Variants in TTN observed in about 807,000 individuals in gnomAD.
The protein encoded by TTN is titin.
In TTN, 1,525 loss-of-function variants were observed where a neutral mutation model predicts 3,223.0. The ratio of observed to expected loss-of-function variants is 0.47; its 90% CI spans 0.45 to 0.49. The LOEUF (loss-of-function observed/expected upper bound fraction) is 0.49. TTN is among the 20% of genes least tolerant of loss of function. The probability of loss-of-function intolerance (pLI) is 0.00; values close to 1 mark genes in which losing one functional copy is unlikely to be tolerated. For missense variants in TTN, 40,786 were observed against 43,424.0 expected, an observed-to-expected ratio of 0.94 and a Z score of 5.40; for synonymous variants, 14,094 against 15,161.0, an observed-to-expected ratio of 0.93 and a Z score of 5.17.
rs989916103 is a variant in TTN, at chr2:178,637,278, A to G, written c.40927+91T>C. On this transcript the variant is annotated intron_variant, in intron 224 of 362. Coordinates refer to ENST00000589042, the MANE Select transcript of TTN (RefSeq NM_001267550.2). ...TCAATTAGAAAAAATAAAAATTGTT[A>G]TGAATTTTGAAATTTTTTTCCCCTT... is the stretch of plus-strand genomic sequence containing the variant. 8.8e-6 allele frequency: 7 copies of G among 799,146 alleles called. No individual in the cohort carries two copies. In the African/African-American group the frequency reaches 1.1e-4, roughly 13 times the overall value. The allele number at this position is 799,146 out of a possible 1,614,324, so 49.5% of individuals were successfully genotyped here.
rs148791107 is a variant in TTN, at chr2:178,747,278, G to C, written c.11312-5357C>G. 588 of 1,613,128 alleles carry C rather than the reference G, an allele frequency of 3.6e-4. No individual in the cohort carries two copies. The highest frequency in any genetic ancestry group is 4.7e-4 in the Non-Finnish European group (559 of 1,179,592). ...TTCTCCTACCTCACCTTCGGAAGGT[G>C]TTGAATATCTTTCAGCAACTTCCCC... On this transcript the variant is annotated intron_variant, in intron 47 of 362. Transcript: ENST00000589042.
Position 178,794,394 on chromosome 2 carries a change from C to A in TTN, c.1398+5G>T. The stretch of plus-strand genomic sequence containing the variant: ...GCGGGTGCCCCATGGCAGCCTCGCA[C>A]GTACCTGTTCTTGAGCAGGTTGGAT... On this transcript the variant is annotated splice_donor_5th_base_variant and intron_variant, in intron 8 of 362. Coordinates refer to ENST00000589042, the MANE Select transcript of TTN (RefSeq NM_001267550.2). 6.2e-7 allele frequency: 1 copy of A among 1,614,132 alleles called. No individual in the cohort carries two copies. Among genetic ancestry groups the A allele is most frequent in the Non-Finnish European group, 8.5e-7 (1 of 1,180,010 alleles).
In TTN at chr2:178,675,903, A is replaced by G. The variant is rs774685567; in HGVS notation, c.34453+18T>C. 7 of 1,601,766 alleles carry G rather than the reference A, an allele frequency of 4.4e-6. No homozygotes were observed. The South Asian group carries it at 7.9e-5, about 18-fold the overall frequency. ...GGAAGGAAATGGCATAGTCTAATTT[A>G]CTTCGGAATAGCAATACCTTTGGCA... On this transcript the variant is annotated intron_variant, in intron 148 of 362. Transcript: ENST00000589042.
Position 178,579,660 on chromosome 2 carries a change from A to T in TTN, c.67537T>A (p.Leu22513Met). ...SLSLQYSAKD[L>M]TEGKEYTFRV... ...AAGGTATATTCCTTCCCTTCAGTCA[A>T]ATCTTTTGCAGAGTACTGTAGGCTT... Residue 22513 changes from leucine (L) to methionine (M), a missense_variant, in exon 319 of 363, where the codon TTG becomes ATG. Physicochemically the swap from Leu to Met is conservative, Grantham distance 15. Coordinates refer to ENST00000589042, the MANE Select transcript of TTN (RefSeq NM_001267550.2). The T allele has an allele frequency of 6.2e-7, 1 of 1,613,334 alleles. No homozygotes were observed. The highest frequency in any genetic ancestry group is 8.5e-7 in the Non-Finnish European group (1 of 1,179,518).
rs761241302 is a variant in TTN, at chr2:178,580,365, G to T, written c.67014C>A (p.Asn22338Lys). The T allele has an allele frequency of 8.2e-5, 132 of 1,613,062 alleles. No homozygotes were observed. The highest frequency in any genetic ancestry group is 1.1e-4 in the Non-Finnish European group (130 of 1,179,424). Reference sequence around the variant, plus strand: ...TGGTATATTCCTTTTTACCACAGCTGTTCTCCAGGGTTAAGATATATTTTC... The same window carrying T: ...TGGTATATTCCTTTTTACCACAGCTTTTCTCCAGGGTTAAGATATATTTTC... ...DAGKYILTLE[N>K]SCGKKEYTIV... is the part of the protein sequence containing the mutation. The change falls in exon 317 of 363, where the codon AAC (asparagine) becomes AAA (lysine). Residue 22338 changes from asparagine to lysine, a missense_variant. By Grantham distance (94) the Asn-to-Lys change is moderately conservative. Transcript: ENST00000589042.
chr2:178,533,539 C>T lies in TTN; in HGVS notation c.103076G>A (p.Ser34359Asn). The change falls in exon 358 of 363, where the codon AGT becomes AAT. Residue 34359 changes from serine (S) to asparagine (N), a missense_variant. Coordinates refer to ENST00000589042, the MANE Select transcript of TTN (RefSeq NM_001267550.2). Reference protein sequence around the residue: ...TVTLHPPPTDSTLRPMFKRLL... With the variant: ...TVTLHPPPTDNTLRPMFKRLL... ...CCTTTTGAACATGGGTCTTAAGGTA[C>T]TATCTGTTGGAGGTGGGTGTAGGGT... is the stretch of plus-strand genomic sequence containing the variant. 1 of 1,613,918 alleles carries T rather than the reference C, an allele frequency of 6.2e-7. No individual in the cohort carries two copies.
intron 47 of TTN, chr2:178,749,335 T>C (rs1261054857): frequency 2.2e-5 from 36 of 1,612,700 alleles, no homozygotes; most frequent in Non-Finnish European, 2.8e-5. Context: ...CCTGACATTG[T>C]ATGAATTCAG....
chr2:178,763,171 T>C (rs1442953837), intron 43 of TTN, among the ~76,000 whole-genome samples: 1 of 152,168 alleles, frequency 6.6e-6, no homozygotes, highest in African/African-American at 2.4e-5. Flanking sequence ...TCTCAAATAA[T>C]TGTGATTATA....
In TTN at chr2:178,806,280, A is replaced by G. The variant is rs938787587; in HGVS notation, c.-14+932T>C. On this transcript the variant is annotated intron_variant, in intron 1 of 362. Coordinates refer to ENST00000589042, the MANE Select transcript of TTN (RefSeq NM_001267550.2). Reference sequence around the variant, plus strand: ...TCTGTGTCTAACTTTGTCTGTTTATAAGTTAGTATATCTAAAAATAGCTGT... The same window carrying G: ...TCTGTGTCTAACTTTGTCTGTTTATGAGTTAGTATATCTAAAAATAGCTGT... Among the ~76,000 whole-genome samples the G allele has an allele frequency of 2.0e-5, 3 of 152,204 alleles. No individual in the cohort carries two copies. The East Asian group carries it at 5.8e-4, about 29-fold the overall frequency.
rs757428242 is a variant in TTN at position 178,571,180 on chromosome 2, A to G, written c.74952T>C (p.Ser24984=). The change falls in exon 326 of 363, where the codon TCT becomes TCC. Residue 24984 remains serine, a synonymous_variant. Transcript: ENST00000589042. ...TGCCAATGCCCACGATGTTCTCTGC[A>G]GAGACTCTAAATTCATATTCAACAC... ...EEGVEYEFRV[S]AENIVGIGKP... 2.9e-5 allele frequency: 46 copies of G among 1,613,508 alleles called. No homozygotes were observed. In the South Asian group the frequency reaches 4.8e-4, roughly 17 times the overall value.
In TTN at chr2:178,715,042, C is replaced by T. The variant is rs183499397; in HGVS notation, c.26144G>A (p.Cys8715Tyr). ...GCTTCCCACATCATTTGTGGCTTTA[C>T]ACTGATATTCCCCAATGTCTGCAGC... is the stretch of plus-strand genomic sequence containing the variant. ...VDAADIGEYQ[C>Y]KATNDVGSDT... Residue 8715 changes from cysteine to tyrosine, a missense_variant, in exon 90 of 363, where the codon TGT (cysteine) becomes TAT (tyrosine). Transcript: ENST00000589042. 1.9e-5 allele frequency: 31 copies of T among 1,613,532 alleles called. No individual in the cohort carries two copies. The East Asian group carries it at 5.1e-4, about 27-fold the overall frequency.
At chr2:178,600,720 T>C (rs1165139403) in intron 288 of TTN, 134 bp downstream of exon 288, 1 of 993,478 alleles carries the variant, frequency 1.0e-6, no homozygotes, top group East Asian at 2.5e-5. Context: ...AATTAAGTAA[T>C]GTGCCCATGT....
chr2:178,728,995 G>T lies in TTN; in HGVS notation c.19043C>A (p.Thr6348Lys). 1 of 1,613,080 alleles carries T rather than the reference G, an allele frequency of 6.2e-7. No homozygotes were observed. Among genetic ancestry groups the T allele is most frequent in the Admixed American group, 1.7e-5 (1 of 59,920 alleles). Reference sequence around the variant, plus strand: ...ATTATCCACACTTCTGATTTGAAGTGTGGCCACACTGTCCACAAATGAAAT... The same window carrying T: ...ATTATCCACACTTCTGATTTGAAGTTTGGCCACACTGTCCACAAATGAAAT... The part of the protein sequence containing the change: ...VYISFVDSVA[T>K]LQIRSVDNGH... The change falls in exon 65 of 363, where the codon ACA becomes AAA. Residue 6348 changes from threonine (T) to lysine (K), a missense_variant. Transcript: ENST00000589042.
chr2:178,587,360 T>C lies in TTN; in HGVS notation c.63851A>G (p.His21284Arg), dbSNP rs769740117. 9 of 1,548,010 alleles carry C rather than the reference T, an allele frequency of 5.8e-6. No individual in the cohort carries two copies. Among genetic ancestry groups the C allele is most frequent in the Non-Finnish European group, 7.0e-6 (8 of 1,139,768 alleles). Residue 21284 changes from histidine (H) to arginine (R), a missense_variant, in exon 307 of 363, where the codon CAT becomes CGT. Physicochemically the swap from His to Arg is conservative, Grantham distance 29. Transcript: ENST00000589042. ...KVSDVTKTSCHVSWAPPENDG... is the reference protein window; with the variant it reads ...KVSDVTKTSCRVSWAPPENDG... ...GTTTTCAGGAGGGGCCCAGGACACA[T>C]GGCATGATGTTTTAGTGACATCTGA...
intron 199 of TTN, 27 bp downstream of exon 199, chr2:178,653,014 C>T (rs2063364985): frequency 1.2e-6 from 2 of 1,611,310 alleles, no homozygotes; most frequent in African/African-American, 1.3e-5. Flanking sequence ...GTTCAGTCTT[C>T]TGAAGCCTAA....
Position 178,731,373 on chromosome 2 carries a change from C to A in TTN, c.17393G>T (p.Gly5798Val), listed in dbSNP as rs754818408. The part of the protein sequence containing the change: ...YLSGIEVKHD[G>V]KYVCQAKNDA... ...ATTTTTGGCCTGACAGACATATTTC[C>A]CATCATGCTTGACTTCAATGCCACT... is the stretch of plus-strand genomic sequence containing the variant. Residue 5798 changes from glycine (G) to valine (V), a missense_variant, in exon 59 of 363, where the codon GGG (glycine) becomes GTG (valine). By Grantham distance (109) the Gly-to-Val change is moderately radical. Coordinates refer to ENST00000589042, the MANE Select transcript of TTN (RefSeq NM_001267550.2). The A allele has an allele frequency of 1.9e-6, 3 of 1,613,674 alleles. No homozygotes were observed. In the African/African-American group the frequency reaches 4.0e-5, roughly 22 times the overall value.
rs539319110 is a variant in TTN, at chr2:178,543,719, T to C, written c.96311-57A>G. 1.3e-5 allele frequency: 20 copies of C among 1,515,276 alleles called. No individual in the cohort carries two copies. In the South Asian group the frequency reaches 1.4e-4, roughly 11 times the overall value. 93.9% of individuals were successfully genotyped at this position (1,515,276 alleles called of 1,614,324 possible). On this transcript the variant is annotated intron_variant, in intron 346 of 362. Coordinates refer to ENST00000589042, the MANE Select transcript of TTN (RefSeq NM_001267550.2). ...TATTTGCCTGATAGCTTTTTTTTTC[T>C]TGGGGAAATATAATCAACATAGTTC...
Position 178,681,449 on chromosome 2 carries a change from C to T in TTN, c.33174G>A (p.Val11058=), listed in dbSNP as rs1219892531. ...TTTCTTCAGGGACAGCTTTCTTCAG[C>T]ACTTCAAAATATCAATATTAAGAGA... ...PTKPKAPPAK[V]LKKAVPEEKV... is the part of the protein sequence containing the mutation. Residue 11058 remains valine (V), a splice_region_variant and synonymous_variant, in exon 137 of 363, where the codon GTG becomes GTA. Coordinates refer to ENST00000589042, the MANE Select transcript of TTN (RefSeq NM_001267550.2). 2.5e-6 allele frequency: 4 copies of T among 1,605,606 alleles called. No homozygotes were observed. The highest frequency in any genetic ancestry group is 3.4e-6 in the Non-Finnish European group (4 of 1,177,114).
chr2:178,534,251 C>T lies in TTN; in HGVS notation c.102364G>A (p.Gly34122Arg), dbSNP rs1195753595. 1 of 1,613,964 alleles carries T rather than the reference C, an allele frequency of 6.2e-7. No individual in the cohort carries two copies. Among genetic ancestry groups the T allele is most frequent in the South Asian group, 1.1e-5 (1 of 91,080 alleles). Reference sequence around the variant, plus strand: ...ACTTTAACTTTAGCAACACTCACTCCCTTCTGAGATCGAATTGCACCACCA... The same window carrying T: ...ACTTTAACTTTAGCAACACTCACTCTCTTCTGAGATCGAATTGCACCACCA... ...SCGGAIRSQKGVSVAKVKVAS... is the reference protein window; with the variant it reads ...SCGGAIRSQKRVSVAKVKVAS... The change falls in exon 358 of 363, where the codon GGA (glycine) becomes AGA (arginine). Residue 34122 changes from glycine (G) to arginine (R), a missense_variant. Physicochemically the swap from Gly to Arg is moderately radical, Grantham distance 125. Coordinates refer to ENST00000589042, the MANE Select transcript of TTN (RefSeq NM_001267550.2).
Sources: allele counts gnomAD v4.1 joint callset (sites outside exome capture counted in the v4.1 genomes callset), GRCh38; gene constraint gnomAD v4.1.1; transcripts MANE v1.5; gene names NCBI Gene and HGNC (gene_info 2026-07-23, HGNC 2026-07-21).